MIPEP: variants seen among roughly 807,000 people sequenced by gnomAD.
MIPEP encodes the protein mitochondrial intermediate peptidase.
A neutral mutation model predicts 90.3 loss-of-function variants in MIPEP; 79 were observed. The observed-to-expected ratio is 0.87, with a 90% CI of 0.73 to 1.05. The LOEUF (loss-of-function observed/expected upper bound fraction) is 1.05, where lower values mean the gene tolerates loss of function less well. Among genes scored for constraint, MIPEP ranks in the 50% least tolerant of loss-of-function variants. The pLI is 0.00. For missense variants in MIPEP, 940 were observed against 905.6 expected, an observed-to-expected ratio of 1.04 and a Z score of -0.49; for synonymous variants, 334 against 315.8, an observed-to-expected ratio of 1.06 and a Z score of -0.61.
At chr13:23,828,053 C>T (rs1021714477) in intron 14 of MIPEP, among the ~76,000 whole-genome samples, 6 of 152,198 alleles carry the variant, frequency 3.9e-5, no homozygotes, top group African/African-American at 1.4e-4. Context: ...TTAACATTAA[C>T]ATTCACTACA....
chr13:23,806,688 A>C (rs575262279), intron 15 of MIPEP, among the ~76,000 whole-genome samples: 1 of 151,392 alleles, frequency 6.6e-6, no homozygotes, highest in Non-Finnish European at 1.5e-5. Context: ...AAACCAAACA[A>C]AAAACAACAA....
intron 18 of MIPEP, 128 bp downstream of exon 18, chr13:23,756,417 A>G: frequency 1.0e-6 from 1 of 966,982 alleles, no homozygotes; most frequent in Non-Finnish European, 1.6e-6. Context: ...GGGGCCTCCC[A>G]AAGTGCTGGG....
intron 16 of MIPEP, among the ~76,000 whole-genome samples, chr13:23,794,376 C>A (rs1952934252): frequency 6.6e-6 from 1 of 152,266 alleles, no homozygotes; most frequent in Admixed American, 6.5e-5. Context: ...TCAACTGGAG[C>A]CTTCCTCATA....
chr13:23,806,767 T>C (rs1309189992), intron 15 of MIPEP, among the ~76,000 whole-genome samples: 1 of 151,996 alleles, frequency 6.6e-6, no homozygotes, highest in Non-Finnish European at 1.5e-5. Flanking sequence ...TATCTATCTG[T>C]AGGCAGAAAT....
chr13:23,845,923 T>C (rs1003689334), intron 10 of MIPEP, among the ~76,000 whole-genome samples: 1 of 143,646 alleles, frequency 7.0e-6, no homozygotes, highest in African/African-American at 2.6e-5. Flanking sequence ...TTGTTTTTAA[T>C]TTTTTTTTTT....
In MIPEP at chr13:23,841,444, C is replaced by A; in HGVS notation, c.1151G>T (p.Gly384Val). The A allele has an allele frequency of 6.2e-7, 1 of 1,613,932 alleles. No homozygotes were observed. The highest frequency in any genetic ancestry group is 8.5e-7 in the Non-Finnish European group (1 of 1,179,984). ...AATATTCAGGCCTTCCATGCATGCT[C>A]CAAGAGAGAAAAACGGGCAATATAG... Reference protein sequence around the residue: ...PSLYCPFFSLGACMEGLNILL... With the variant: ...PSLYCPFFSLVACMEGLNILL... The change falls in exon 11 of 19, where the codon GGA (glycine) becomes GTA (valine). Residue 384 changes from glycine to valine, a missense_variant. Transcript: ENST00000382172.
At chr13:23,740,903 C>T (rs1349636218) in intron 18 of MIPEP, among the ~76,000 whole-genome samples, 3 of 152,134 alleles carry the variant, frequency 2.0e-5, no homozygotes, top group Non-Finnish European at 2.9e-5. Flanking sequence ...AAGGAAGTAT[C>T]GCTGCTTGTG....
chr13:23,744,069 C>A (rs538421794), intron 18 of MIPEP, among the ~76,000 whole-genome samples: 1 of 152,328 alleles, frequency 6.6e-6, no homozygotes, highest in East Asian at 1.9e-4. Flanking sequence ...ATTCCTGCTA[C>A]GCTGTGCAAG....
intron 5 of MIPEP, 98 bp downstream of exon 5, chr13:23,874,748 T>G (rs1232880049): frequency 9.8e-7 from 1 of 1,019,028 alleles, no homozygotes; most frequent in Middle Eastern, 2.2e-4. Flanking sequence ...TTTTGCAATA[T>G]GCAAATTCAA....
intron 14 of MIPEP, among the ~76,000 whole-genome samples, chr13:23,825,174 CG>C (rs1288680672): frequency 6.6e-6 from 1 of 152,122 alleles, no homozygotes; most frequent in East Asian, 1.9e-4. Flanking sequence ...GTGGTGGGGC[CG>C]GGCTCAGATC....
chr13:23,867,379 T>C (rs899356633), intron 7 of MIPEP, among the ~76,000 whole-genome samples: 1 of 152,192 alleles, frequency 6.6e-6, no homozygotes, highest in Non-Finnish European at 1.5e-5. Flanking sequence ...CTCATGCTTG[T>C]GTCTGTCAAG....
chr13:23,861,802 A>C (rs932695630), intron 9 of MIPEP, among the ~76,000 whole-genome samples: 4 of 152,212 alleles, frequency 2.6e-5, no homozygotes, highest in Non-Finnish European at 5.9e-5. Context: ...CTCTTGGATC[A>C]CATAAGGAAG....
chr13:23,781,011 C>T (rs1952776922), intron 16 of MIPEP, among the ~76,000 whole-genome samples: 1 of 152,138 alleles, frequency 6.6e-6, no homozygotes, highest in Non-Finnish European at 1.5e-5. Flanking sequence ...GAGAATGGAA[C>T]CAAGTTGGAA....
intron 16 of MIPEP, among the ~76,000 whole-genome samples, chr13:23,797,336 C>A (rs899000774): frequency 9.9e-5 from 15 of 152,156 alleles, no homozygotes; most frequent in African/African-American, 3.4e-4. Context: ...GACCCACTGG[C>A]CCAACACTGT....
At chr13:23,768,966 G>C (rs1252314840) in intron 16 of MIPEP, among the ~76,000 whole-genome samples, 1 of 152,174 alleles carries the variant, frequency 6.6e-6, no homozygotes, top group Non-Finnish European at 1.5e-5. Context: ...TTTATTAGAT[G>C]AGACATAGAA....
In MIPEP at chr13:23,881,686, G is replaced by T. The variant is rs1275582656; in HGVS notation, c.452+13C>A. The T allele has an allele frequency of 1.2e-5, 19 of 1,605,072 alleles. No individual in the cohort carries two copies. The highest frequency in any genetic ancestry group is 1.5e-5 in the Non-Finnish European group (17 of 1,172,258). ...GGACTTGGCATGGAGGTGGGGAGGG[G>T]AACAGCACATACTTCTCTACCATGG... On this transcript the variant is annotated intron_variant, in intron 3 of 18. Coordinates refer to ENST00000382172, the MANE Select transcript of MIPEP (RefSeq NM_005932.4).
At chr13:23,762,104 G>A (rs571396586) in intron 16 of MIPEP, among the ~76,000 whole-genome samples, 1 of 151,770 alleles carries the variant, frequency 6.6e-6, no homozygotes, top group Non-Finnish European at 1.5e-5. Flanking sequence ...CAGCCTAGGC[G>A]ACAGAGCAAG....
chr13:23,828,021 G>A (rs1233310975), intron 14 of MIPEP, among the ~76,000 whole-genome samples: 1 of 152,200 alleles, frequency 6.6e-6, no homozygotes, highest in African/African-American at 2.4e-5. Flanking sequence ...GCTTAATCCT[G>A]AAATGCAAAG....
chr13:23,875,795 C>T (rs1008193947), intron 4 of MIPEP, among the ~76,000 whole-genome samples: 11 of 152,074 alleles, frequency 7.2e-5, no homozygotes, highest in African/African-American at 2.4e-4. Flanking sequence ...AAGATAATGA[C>T]TATTAAAATT....
Sources: allele counts gnomAD v4.1 joint callset (sites outside exome capture counted in the v4.1 genomes callset), GRCh38; gene constraint gnomAD v4.1.1; transcripts MANE v1.5; gene names NCBI Gene and HGNC (gene_info 2026-07-23, HGNC 2026-07-21).